The following JARID2 variants were observed in gnomAD, a reference collection of about 807,000 sequenced individuals.
JARID2 encodes protein Jumonji.
A neutral mutation model predicts 125.6 loss-of-function variants in JARID2; 21 were observed. That is an observed-to-expected ratio of 0.17 (90% confidence interval 0.12 to 0.24). The LOEUF is 0.24. JARID2 is among the 10% of genes least tolerant of loss of function. The pLI is 1.00. For missense variants in JARID2, 1,303 were observed against 1,639.6 expected, an observed-to-expected ratio of 0.79 and a Z score of 3.55; for synonymous variants, 736 against 661.6, an observed-to-expected ratio of 1.11 and a Z score of -1.73.
At chr6:15,360,445 A>C (rs898492562) in intron 1 of JARID2, among the ~76,000 whole-genome samples, 11 of 152,112 alleles carry the variant, frequency 7.2e-5, no homozygotes, top group African/African-American at 2.2e-4. Context: ...GGCCTCCGAA[A>C]GTCCTGGGAT....
At chr6:15,340,185 C>G (rs1763020812) in intron 1 of JARID2, among the ~76,000 whole-genome samples, 1 of 152,170 alleles carries the variant, frequency 6.6e-6, no homozygotes, top group South Asian at 2.1e-4. Context: ...TGGGCTGTGT[C>G]TATAAAGTTA....
intron 1 of JARID2, among the ~76,000 whole-genome samples, chr6:15,261,458 C>T (rs1316972091): frequency 6.6e-6 from 1 of 152,030 alleles, no homozygotes; most frequent in Non-Finnish European, 1.5e-5. Flanking sequence ...GCTGGGACTA[C>T]AGGCGTGCGC....
At chr6:15,260,095 G>T (rs1481628937) in intron 1 of JARID2, among the ~76,000 whole-genome samples, 1 of 152,204 alleles carries the variant, frequency 6.6e-6, no homozygotes, top group Non-Finnish European at 1.5e-5. Context: ...GAATTTTAAA[G>T]ATGCATGAAA....
In JARID2 at chr6:15,246,242, G is replaced by GTTT; in HGVS notation, c.-291_-289dup. ...AAAGGGGGGGGAGTGAAGGGCGTCG[G>GTTT]TTTTTTTTTGTGTGTGTGTGTATGT... On this transcript the variant is annotated 5_prime_UTR_variant, in exon 1 of 18. Transcript: ENST00000341776. 2.2e-6 allele frequency: 1 copy of GTTT among 456,740 alleles called. No individual in the cohort carries two copies. Among genetic ancestry groups the GTTT allele is most frequent in the South Asian group, 4.3e-5 (1 of 23,108 alleles). The allele number at this position is 456,740 out of a possible 1,614,324, so 28.3% of individuals were successfully genotyped here.
intron 5 of JARID2, among the ~76,000 whole-genome samples, chr6:15,478,870 T>C (rs1769477524): frequency 1.3e-5 from 2 of 152,168 alleles, no homozygotes; most frequent in South Asian, 4.2e-4. Flanking sequence ...GGGTTTTTAC[T>C]GTGTTGGCCA....
At chr6:15,279,091 CAAA>C (rs35041079) in intron 1 of JARID2, among the ~76,000 whole-genome samples, 1 of 110,508 alleles carries the variant, frequency 9.0e-6, no homozygotes, top group African/African-American at 4.3e-5. Flanking sequence ...ACTGTGTCTC[CAAA>C]AAAAAAAAAA....
chr6:15,283,697 C>T (rs1459825486), intron 1 of JARID2, among the ~76,000 whole-genome samples: 1 of 146,412 alleles, frequency 6.8e-6, no homozygotes, highest in African/African-American at 2.5e-5. Context: ...GTCCATTGTC[C>T]TTTAAGTATT....
intron 1 of JARID2, among the ~76,000 whole-genome samples, chr6:15,341,709 A>G (rs1295650088): frequency 6.6e-6 from 1 of 152,232 alleles, no homozygotes; most frequent in East Asian, 1.9e-4. Flanking sequence ...GTAAATGGCA[A>G]AGAGAAATCG....
At chr6:15,513,105 C>G in intron 15 of JARID2, 60 bp downstream of exon 15, 1 of 1,605,750 alleles carries the variant, frequency 6.2e-7, no homozygotes, top group Non-Finnish European at 8.5e-7. Flanking sequence ...CGGGGGCTCA[C>G]CCCCCGAGCA....
chr6:15,291,977 A>C (rs1761234423), intron 1 of JARID2, among the ~76,000 whole-genome samples: 2 of 152,128 alleles, frequency 1.3e-5, no homozygotes, highest in Non-Finnish European at 2.9e-5. Flanking sequence ...TTTCTGAAAC[A>C]AATGCCCTTC....
rs1771780599 is a variant in JARID2 at position 15,520,482 on chromosome 6, TTA to T, written c.*232_*233del. ...TGGAAACTGCCGTATAGTCACTGTT[TTA>T]AAAACCCCGGAGGGGCTGTATTAAT... On this transcript the variant is annotated 3_prime_UTR_variant, in exon 18 of 18. Transcript: ENST00000341776. 2 of 427,850 alleles carry T rather than the reference TTA, an allele frequency of 4.7e-6. No homozygotes were observed. The highest frequency in any genetic ancestry group is 8.2e-5 in the East Asian group (2 of 24,280). The allele number at this position is 427,850 out of a possible 1,614,324, so 26.5% of individuals were successfully genotyped here.
chr6:15,473,706 GA>G lies in JARID2; in HGVS notation c.670+4992del, dbSNP rs1315877514. ...TACCAAGTCTTTTGTGAAGTCATAT[GA>G]AAAGAAAAAATCCCCACAAGCCACT... On this transcript the variant is annotated intron_variant, in intron 5 of 17. Coordinates refer to ENST00000341776, the MANE Select transcript of JARID2 (RefSeq NM_004973.4). Among the ~76,000 whole-genome samples, 20 of 152,200 alleles carry G rather than the reference GA, an allele frequency of 1.3e-4. No individual in the cohort carries two copies. The East Asian group carries it at 3.9e-3, about 29-fold the overall frequency.
At chr6:15,461,797 G>A (rs914049512) in intron 4 of JARID2, among the ~76,000 whole-genome samples, 12 of 151,976 alleles carry the variant, frequency 7.9e-5, no homozygotes, top group Non-Finnish European at 2.9e-5. Context: ...GTAACCTCGA[G>A]TCTCATGGCA....
chr6:15,246,642 G>A (rs1321286251), intron 1 of JARID2, 58 bp downstream of exon 1: 4 of 1,388,718 alleles, frequency 2.9e-6, no homozygotes, highest in Non-Finnish European at 4.1e-6. Flanking sequence ...GGCTGTGAAT[G>A]TCAAGTTTAT....
At chr6:15,390,103 C>G (rs1299133420) in intron 2 of JARID2, among the ~76,000 whole-genome samples, 3 of 152,176 alleles carry the variant, frequency 2.0e-5, no homozygotes, top group African/African-American at 7.2e-5. Flanking sequence ...TCCTGCCCTT[C>G]CCTGTTTCAG....
At chr6:15,309,731 C>T (rs966472701) in intron 1 of JARID2, among the ~76,000 whole-genome samples, 3 of 149,218 alleles carry the variant, frequency 2.0e-5, no homozygotes, top group Non-Finnish European at 4.5e-5. Context: ...GGTGTAGGCA[C>T]AGGTGGGAGG....
At chr6:15,336,517 G>A (rs1288216130) in intron 1 of JARID2, among the ~76,000 whole-genome samples, 1 of 152,134 alleles carries the variant, frequency 6.6e-6, no homozygotes, top group African/African-American at 2.4e-5. Context: ...ATATAATAAG[G>A]GTCTTGTAGG....
intron 16 of JARID2, 84 bp downstream of exon 16, chr6:15,513,506 G>A (rs996771616): frequency 1.1e-5 from 14 of 1,323,794 alleles, no homozygotes; most frequent in South Asian, 8.6e-5. Flanking sequence ...GAGGGAGGGC[G>A]CTCTCTGCCC....
intron 1 of JARID2, among the ~76,000 whole-genome samples, chr6:15,344,190 G>A (rs974422619): frequency 1.5e-5 from 2 of 134,926 alleles, no homozygotes; most frequent in Admixed American, 9.0e-5. Flanking sequence ...CCCTTGAAGC[G>A]TTTTTGGAAA....
Sources: allele counts gnomAD v4.1 joint callset (sites outside exome capture counted in the v4.1 genomes callset), GRCh38; gene constraint gnomAD v4.1.1; transcripts MANE v1.5; gene names NCBI Gene and HGNC (gene_info 2026-07-23, HGNC 2026-07-21).